NRG2: variants seen among roughly 807,000 people sequenced by gnomAD.
NRG2 encodes pro-neuregulin-2, membrane-bound isoform.
NRG2 carries 27 observed loss-of-function variants against 73.9 expected under a neutral mutation model. The ratio of observed to expected loss-of-function variants is 0.37; its 90% CI spans 0.27 to 0.50. The LOEUF is 0.50. NRG2 is among the 20% of genes least tolerant of loss of function. The probability of loss-of-function intolerance (pLI) is 0.96; values close to 1 mark genes in which losing one functional copy is unlikely to be tolerated. For missense variants in NRG2, 1,126 were observed against 1,210.1 expected, an observed-to-expected ratio of 0.93 and a Z score of 1.03; for synonymous variants, 532 against 541.0, an observed-to-expected ratio of 0.98 and a Z score of 0.23.
chr5:139,906,504 CATACT>C (rs1310325285), intron 1 of NRG2, among the ~76,000 whole-genome samples: 1 of 152,168 alleles, frequency 6.6e-6, no homozygotes, highest in Non-Finnish European at 1.5e-5. Flanking sequence ...TACCTTTGCA[CATACT>C]ATACTAATCT....
chr5:139,895,296 G>A lies in NRG2; in HGVS notation c.701-7785C>T, dbSNP rs562779091. On this transcript the variant is annotated intron_variant, in intron 1 of 9. Transcript: ENST00000361474. ...CATCCCCAGAGTCACGCAGGTCCAC[G>A]CCGCAGTGCTCCACCCAGCGCAGGG... Among the ~76,000 whole-genome samples, 26 of 152,368 alleles carry A rather than the reference G, an allele frequency of 1.7e-4. No individual in the cohort carries two copies. The South Asian group carries it at 4.3e-3, about 25-fold the overall frequency.
intron 1 of NRG2, among the ~76,000 whole-genome samples, chr5:139,920,607 G>A (rs1212701751): frequency 1.3e-5 from 2 of 151,928 alleles, no homozygotes; most frequent in Non-Finnish European, 2.9e-5. Flanking sequence ...AAATGAAGTA[G>A]GGGGGATCAG....
intron 1 of NRG2, among the ~76,000 whole-genome samples, chr5:139,938,942 A>G (rs568509783): frequency 6.9e-6 from 1 of 145,510 alleles, no homozygotes; most frequent in Admixed American, 6.8e-5. Context: ...AGAAAGAAAG[A>G]AAGAAAGAAA....
intron 1 of NRG2, among the ~76,000 whole-genome samples, chr5:139,926,160 G>C (rs866349170): frequency 6.6e-6 from 1 of 152,234 alleles, no homozygotes; most frequent in South Asian, 2.1e-4. Flanking sequence ...AGATGAACAC[G>C]CGAAGATTTG....
chr5:139,921,554 T>TA lies in NRG2; in HGVS notation c.701-34044dup, dbSNP rs34067035. 1.4e-3 allele frequency among the ~76,000 whole-genome samples: 207 copies of TA among 143,952 alleles called. 1 individual carries two copies. Among genetic ancestry groups the TA allele is most frequent in the Admixed American group, 5.1e-3 (74 of 14,370 alleles). The allele number at this position is 143,952 out of a possible 152,430, so 94.4% of individuals were successfully genotyped here. A position where few individuals can be genotyped will look rare whatever the true frequency, so the allele number is the denominator to read the frequency against. On this transcript the variant is annotated intron_variant, in intron 1 of 9. Transcript: ENST00000361474. ...CTACAGGTAACTTAACAGCTACCTG[T>TA]AAAAAAAAAAAGAATCTAGACACAG...
At chr5:139,990,812 T>C (rs1263618716) in intron 1 of NRG2, among the ~76,000 whole-genome samples, 1 of 152,214 alleles carries the variant, frequency 6.6e-6, no homozygotes, top group African/African-American at 2.4e-5. Flanking sequence ...GAAATGCTTG[T>C]TATTTGCCCA....
At chr5:140,010,605 TAA>T (rs763702931) in intron 1 of NRG2, among the ~76,000 whole-genome samples, 63 of 151,186 alleles carry the variant, frequency 4.2e-4, no homozygotes, top group Non-Finnish European at 8.7e-4. Flanking sequence ...GTTAGAAAAA[TAA>T]AGTCTTAAAA....
chr5:139,966,158 C>T (rs1419541141), intron 1 of NRG2, among the ~76,000 whole-genome samples: 1 of 152,110 alleles, frequency 6.6e-6, no homozygotes, highest in Non-Finnish European at 1.5e-5. Flanking sequence ...CAGAGAACCT[C>T]GGTGCACTAT....
chr5:139,854,280 C>A (rs1390366360), intron 6 of NRG2, among the ~76,000 whole-genome samples: 3 of 152,242 alleles, frequency 2.0e-5, no homozygotes, highest in Non-Finnish European at 4.4e-5. Flanking sequence ...ACTTTCTCTC[C>A]TCTTCACCTG....
chr5:139,925,292 G>A (rs535780495), intron 1 of NRG2, among the ~76,000 whole-genome samples: 35 of 152,252 alleles, frequency 2.3e-4, no homozygotes, highest in African/African-American at 7.7e-4. Flanking sequence ...CACAAATTCC[G>A]CACTCAGCTC....
intron 1 of NRG2, among the ~76,000 whole-genome samples, chr5:139,927,677 T>C (rs1382522501): frequency 2.0e-5 from 3 of 147,246 alleles, no homozygotes; most frequent in Admixed American, 6.9e-5. Flanking sequence ...GGCAGGAGAA[T>C]CACTTGAACC....
chr5:139,958,562 T>C (rs1754812781), intron 1 of NRG2, among the ~76,000 whole-genome samples: 1 of 152,190 alleles, frequency 6.6e-6, no homozygotes, highest in Admixed American at 6.5e-5. Flanking sequence ...TTGCAATGCT[T>C]ACAAACAGCT....
chr5:140,027,312 C>A (rs1760773842), intron 1 of NRG2, among the ~76,000 whole-genome samples: 1 of 152,206 alleles, frequency 6.6e-6, no homozygotes, highest in Non-Finnish European at 1.5e-5. Context: ...ATGTGCCCCA[C>A]AGATCCTTTC....
At chr5:139,893,004 CTGT>C (rs1764317757) in intron 1 of NRG2, among the ~76,000 whole-genome samples, 2 of 152,164 alleles carry the variant, frequency 1.3e-5, no homozygotes, top group Admixed American at 6.5e-5. Context: ...TTGTCCCCTT[CTGT>C]TGTTGTTTTG....
intron 1 of NRG2, among the ~76,000 whole-genome samples, chr5:139,900,956 A>G (rs77493738): frequency 0.04 from 6,032 of 152,302 alleles, 393 homozygotes; most frequent in African/African-American, 0.14. Context: ...CAACTCAATG[A>G]GCCCACACAG....
intron 4 of NRG2, 27 bp downstream of exon 4, chr5:139,871,694 C>T (rs1762863399): frequency 1.2e-6 from 2 of 1,613,088 alleles, no homozygotes; most frequent in Non-Finnish European, 1.7e-6. Context: ...GTTCTTGCTC[C>T]CATGCCCACC....
chr5:139,907,722 A>G (rs1356600799), intron 1 of NRG2, among the ~76,000 whole-genome samples: 1 of 152,052 alleles, frequency 6.6e-6, no homozygotes, highest in Non-Finnish European at 1.5e-5. Flanking sequence ...GTGCTGAGGG[A>G]GGTTGGGCTT....
chr5:140,019,400 G>A (rs1041776178), intron 1 of NRG2: 1 of 152,258 alleles, frequency 6.6e-6, no homozygotes, highest in Non-Finnish European at 1.5e-5. Context: ...CATTAGACAG[G>A]AGGGAACAAC....
At chr5:139,973,778 G>A (rs113289140) in intron 1 of NRG2, among the ~76,000 whole-genome samples, 3,570 of 152,242 alleles carry the variant, frequency 0.023, 66 homozygotes, top group African/African-American at 0.026. Flanking sequence ...GTCTGGTGAG[G>A]GCCCATTTCC....
Sources: gnomAD v4.1 joint callset for allele counts (sites outside exome capture counted in the v4.1 genomes callset) on GRCh38, gnomAD v4.1.1 for gene constraint, MANE v1.5 for transcripts, NCBI Gene and HGNC (gene_info 2026-07-23, HGNC 2026-07-21) for gene names.